The following TMOD1 variants were observed in gnomAD, a reference collection of about 807,000 sequenced individuals.
The protein encoded by TMOD1 is tropomodulin-1.
TMOD1 carries 17 observed loss-of-function variants against 40.6 expected under a neutral mutation model. The ratio of observed to expected loss-of-function variants is 0.42; its 90% CI spans 0.29 to 0.63. TMOD1 has a LOEUF of 0.63. Ranked by LOEUF, TMOD1 falls within the 20% of genes least tolerant of loss-of-function variation. TMOD1 has a pLI of 0.22. For synonymous variants in TMOD1, 181 were observed against 175.0 expected, an observed-to-expected ratio of 1.03 and a Z score of -0.27; for missense variants, 391 against 447.6, an observed-to-expected ratio of 0.87 and a Z score of 1.14.
chr9:97,530,873 C>T (rs1440374384), intron 2 of TMOD1, among the ~76,000 whole-genome samples: 4 of 144,002 alleles, frequency 2.8e-5, no homozygotes, highest in Non-Finnish European at 6.0e-5. Context: ...TTGTGACTTC[C>T]GCCTCCTAGG....
chr9:97,546,630 A>G (rs958928279), intron 3 of TMOD1, among the ~76,000 whole-genome samples: 1 of 152,150 alleles, frequency 6.6e-6, no homozygotes, highest in Non-Finnish European at 1.5e-5. Context: ...TTTTTACGCA[A>G]ACCTAAACAG....
In TMOD1 at chr9:97,557,039, T is replaced by C. The variant is rs1315075878; in HGVS notation, c.397+3639T>C. ...CTCATGTATTCACCTAACTGCTCAC[T>C]AAGCCAGTGCACATTATTGAACTCC... On this transcript the variant is annotated intron_variant, in intron 4 of 9. Coordinates refer to ENST00000259365, the MANE Select transcript of TMOD1 (RefSeq NM_003275.4). This position sits in a 1 kb window ranked among gnomAD's most constrained non-coding sequence, Gnocchi z 4.4. Among the ~76,000 whole-genome samples the C allele has an allele frequency of 6.6e-6, 1 of 152,158 alleles. No individual in the cohort carries two copies. Among genetic ancestry groups the C allele is most frequent in the East Asian group, 1.9e-4 (1 of 5,192 alleles).
chr9:97,525,131 C>G (rs989945381), intron 2 of TMOD1, among the ~76,000 whole-genome samples: 3 of 152,114 alleles, frequency 2.0e-5, no homozygotes, highest in African/African-American at 7.2e-5. Flanking sequence ...TACAACTATC[C>G]TGGGTACAAT....
intron 2 of TMOD1, among the ~76,000 whole-genome samples, chr9:97,541,681 A>G (rs1288827452): frequency 6.6e-6 from 1 of 150,860 alleles, no homozygotes; most frequent in Non-Finnish European, 1.5e-5. Flanking sequence ...ACGCCCGGCT[A>G]ATTTTTGTAT....
intron 9 of TMOD1, among the ~76,000 whole-genome samples, chr9:97,597,263 C>T (rs1212341451): frequency 1.3e-5 from 2 of 152,222 alleles, no homozygotes; most frequent in Non-Finnish European, 2.9e-5. Context: ...AGCTTTTACT[C>T]CCAGTTTTGT....
At chr9:97,506,813 C>G (rs565700259) in intron 1 of TMOD1, among the ~76,000 whole-genome samples, 2 of 152,312 alleles carry the variant, frequency 1.3e-5, no homozygotes, top group Non-Finnish European at 2.9e-5. Flanking sequence ...CCGTGCTTCT[C>G]TAACTTTAAT....
At chr9:97,575,168 C>G (rs1278551523) in intron 8 of TMOD1, among the ~76,000 whole-genome samples, 1 of 152,200 alleles carries the variant, frequency 6.6e-6, no homozygotes, top group Admixed American at 6.5e-5. Flanking sequence ...CCGCGAAGGT[C>G]TGCAGCTTCA....
chr9:97,599,835 A>C lies in TMOD1; in HGVS notation c.*137A>C. 3 of 1,488,518 alleles carry C rather than the reference A, an allele frequency of 2.0e-6. No individual in the cohort carries two copies. Among genetic ancestry groups the C allele is most frequent in the Non-Finnish European group, 2.7e-6 (3 of 1,110,978 alleles). The allele number at this position is 1,488,518 out of a possible 1,614,324, so 92.2% of individuals were successfully genotyped here. On this transcript the variant is annotated 3_prime_UTR_variant, in exon 10 of 10. Coordinates refer to ENST00000259365, the MANE Select transcript of TMOD1 (RefSeq NM_003275.4). ...TCAGTTCTTTATGCACTAAGGTTTTAGGTTGACTAGTGGTTGTAGTTGAAA... is the reference window on the plus strand; with the variant it reads ...TCAGTTCTTTATGCACTAAGGTTTTCGGTTGACTAGTGGTTGTAGTTGAAA...
At chr9:97,566,959 AG>A (rs1830738682) in intron 7 of TMOD1, among the ~76,000 whole-genome samples, 1 of 152,232 alleles carries the variant, frequency 6.6e-6, no homozygotes, top group African/African-American at 2.4e-5. Flanking sequence ...AGACAACTAA[AG>A]GGTAACAGTA....
At chr9:97,590,095 T>C (rs925646187) in intron 8 of TMOD1, among the ~76,000 whole-genome samples, 9 of 152,140 alleles carry the variant, frequency 5.9e-5, no homozygotes, top group African/African-American at 2.2e-4. Flanking sequence ...TATTGGTTCA[T>C]GGCCATCTTT....
At chr9:97,581,618 A>G (rs2131282642) in intron 8 of TMOD1, among the ~76,000 whole-genome samples, 1 of 150,826 alleles carries the variant, frequency 6.6e-6, no homozygotes, top group East Asian at 2.0e-4. Flanking sequence ...CCAACAGTGT[A>G]AAAGTGTTCC....
At chr9:97,525,655 G>T (rs1005798885) in intron 2 of TMOD1, among the ~76,000 whole-genome samples, 1 of 152,128 alleles carries the variant, frequency 6.6e-6, no homozygotes, top group African/African-American at 2.4e-5. Flanking sequence ...ACTAAAAAAC[G>T]CCCTAAGGGC....
chr9:97,535,476 T>A (rs982592324), intron 2 of TMOD1, among the ~76,000 whole-genome samples: 1 of 152,040 alleles, frequency 6.6e-6, no homozygotes, highest in East Asian at 1.9e-4. Flanking sequence ...TCCCTCAGAC[T>A]CAGTTCAGGA....
intron 3 of TMOD1, among the ~76,000 whole-genome samples, chr9:97,547,834 G>A (rs1830389493): frequency 6.6e-6 from 1 of 152,126 alleles, no homozygotes; most frequent in Non-Finnish European, 1.5e-5. Flanking sequence ...AACTCCCTGA[G>A]GGCAACCACT....
intron 9 of TMOD1, among the ~76,000 whole-genome samples, chr9:97,595,883 G>A (rs1274385284): frequency 6.6e-6 from 1 of 151,804 alleles, no homozygotes; most frequent in Admixed American, 6.6e-5. Context: ...GACCAGCCTG[G>A]CCAACATGGT....
Position 97,601,229 on chromosome 9 carries a change from T to G in TMOD1, c.*1531T>G. 1 of 1,270,796 alleles carries G rather than the reference T, an allele frequency of 7.9e-7. No individual in the cohort carries two copies. The highest frequency in any genetic ancestry group is 1.0e-6 in the Non-Finnish European group (1 of 970,736). The allele number at this position is 1,270,796 out of a possible 1,614,324, so 78.7% of individuals were successfully genotyped here. On this transcript the variant is annotated 3_prime_UTR_variant, in exon 10 of 10. Coordinates refer to ENST00000259365, the MANE Select transcript of TMOD1 (RefSeq NM_003275.4). ...TTCTGCATCGCTGAAAACTGCAATA[T>G]AATATTAAATCTGTTGGTCTATGCA... is the stretch of plus-strand genomic sequence containing the variant.
chr9:97,551,651 C>T (rs1830456655), intron 3 of TMOD1, among the ~76,000 whole-genome samples: 2 of 152,046 alleles, frequency 1.3e-5, no homozygotes, highest in Admixed American at 6.6e-5. Flanking sequence ...TGCTCTTTTT[C>T]AAGATTGTTT....
At chr9:97,588,490 A>T (rs1328353096) in intron 8 of TMOD1, among the ~76,000 whole-genome samples, 1 of 152,188 alleles carries the variant, frequency 6.6e-6, no homozygotes, top group Non-Finnish European at 1.5e-5. Flanking sequence ...TCCTATATCT[A>T]CCAAATATTT....
chr9:97,595,847 C>T (rs1181555149), intron 9 of TMOD1, among the ~76,000 whole-genome samples: 3 of 151,858 alleles, frequency 2.0e-5, no homozygotes, highest in East Asian at 1.9e-4. Flanking sequence ...CCGAGGCAGG[C>T]GGATCACCTG....
Sources: gnomAD v4.1 joint callset for allele counts (sites outside exome capture counted in the v4.1 genomes callset) on GRCh38, gnomAD v4.1.1 for gene constraint, Gnocchi (gnomAD v3.1) non-coding constraint, MANE v1.5 for transcripts, NCBI Gene and HGNC (gene_info 2026-07-23, HGNC 2026-07-21) for gene names.